Variants in GALNT16 observed in about 807,000 individuals in gnomAD.
The protein encoded by GALNT16 is UDP-GalNAc:polypeptide N-acetylgalactosaminyltransferase-like protein 1.
A neutral mutation model predicts 76.1 loss-of-function variants in GALNT16; 40 were observed. The ratio of observed to expected loss-of-function variants is 0.53; its 90% CI spans 0.41 to 0.68. The LOEUF (loss-of-function observed/expected upper bound fraction) is 0.68. GALNT16 is among the 30% of genes least tolerant of loss of function. GALNT16 has a pLI of 0.00. For missense variants in GALNT16, 621 were observed against 731.9 expected, an observed-to-expected ratio of 0.85 and a Z score of 1.75; for synonymous variants, 276 against 285.2, an observed-to-expected ratio of 0.97 and a Z score of 0.32.
intron 10 of GALNT16, 61 bp from the exon 11 acceptor site, chr14:69,339,466 C>A (rs74059973): frequency 3.1e-6 from 3 of 971,624 alleles, no homozygotes; most frequent in Non-Finnish European, 3.4e-6. Context: ...TAATCTTGAT[C>A]CTGACCGCTA....
intron 1 of GALNT16, among the ~76,000 whole-genome samples, chr14:69,317,641 G>A (rs2045121149): frequency 6.6e-6 from 1 of 152,222 alleles, no homozygotes; most frequent in African/African-American, 2.4e-5. Context: ...CATTGAATCA[G>A]GCTATGGAGC....
chr14:69,322,698 C>T (rs1370563007), intron 2 of GALNT16, among the ~76,000 whole-genome samples: 1 of 152,054 alleles, frequency 6.6e-6, no homozygotes, highest in Non-Finnish European at 1.5e-5. Flanking sequence ...TCAAGACCAG[C>T]CTGCCTATCA....
In GALNT16 at chr14:69,320,712, T is replaced by C; in HGVS notation, c.179T>C (p.Val60Ala). 1 of 1,613,372 alleles carries C rather than the reference T, an allele frequency of 6.2e-7. No homozygotes were observed. Among genetic ancestry groups the C allele is most frequent in the Non-Finnish European group, 8.5e-7 (1 of 1,179,594 alleles). The change falls in exon 2 of 15, where the codon GTG becomes GCG. Residue 60 changes from valine (V) to alanine (A), a missense_variant and splice_region_variant. Coordinates refer to ENST00000448469, the MANE Select transcript of GALNT16 (RefSeq NM_001168368.2). ...CTCTGATGCTGACCTTCATCTCAGG[T>C]GACAGGAACTCCCTCGAAAGGCTTT... The part of the protein sequence containing the change: ...LREDRTIPLI[V>A]TGTPSKGFDE...
At chr14:69,289,775 G>T (rs1419469297) in intron 1 of GALNT16, among the ~76,000 whole-genome samples, 1 of 152,220 alleles carries the variant, frequency 6.6e-6, no homozygotes, top group Non-Finnish European at 1.5e-5. Context: ...GTCTCACTCT[G>T]TCGCCCAGGC....
At chr14:69,276,941 G>C (rs1004283874) in intron 1 of GALNT16, among the ~76,000 whole-genome samples, 2 of 152,134 alleles carry the variant, frequency 1.3e-5, no homozygotes, top group Non-Finnish European at 2.9e-5. Flanking sequence ...TGTCACGCAC[G>C]TGGCACTGTG....
intron 1 of GALNT16, among the ~76,000 whole-genome samples, chr14:69,307,827 C>T (rs2044959280): frequency 6.6e-6 from 1 of 152,186 alleles, no homozygotes; most frequent in African/African-American, 2.4e-5. Flanking sequence ...TACCAGCCTC[C>T]TGGGAGTGTT....
At position 69,338,666 on chromosome 14, in the gene GALNT16, T is replaced by C. The variant is rs2045444687; in HGVS notation, c.983T>C (p.Val328Ala). The change falls in exon 10 of 15, where the codon GTG (valine) becomes GCG (alanine). Residue 328 changes from valine to alanine, a missense_variant. Coordinates refer to ENST00000448469, the MANE Select transcript of GALNT16 (RefSeq NM_001168368.2). ...TTTCCTGCAGAGCTCTCCTTCAGGGTGTGGATGTGTGGTGGCAGTCTGGAG... is the reference window on the plus strand; with the variant it reads ...TTTCCTGCAGAGCTCTCCTTCAGGGCGTGGATGTGTGGTGGCAGTCTGGAG... ...GGENFELSFRVWMCGGSLEIV... is the reference protein window; with the variant it reads ...GGENFELSFRAWMCGGSLEIV... The C allele has an allele frequency of 6.2e-7, 1 of 1,613,232 alleles. No homozygotes were observed.
intron 1 of GALNT16, among the ~76,000 whole-genome samples, chr14:69,282,650 C>G (rs1474672532): frequency 1.4e-5 from 2 of 147,232 alleles, no homozygotes; most frequent in African/African-American, 5.0e-5. Context: ...AGAATTTGTC[C>G]TATTTATTTA....
intron 1 of GALNT16, among the ~76,000 whole-genome samples, chr14:69,285,040 C>CGTTTTTTT (rs35894482): frequency 7.8e-6 from 1 of 127,504 alleles, no homozygotes; most frequent in Non-Finnish European, 1.6e-5. Flanking sequence ...CTCGGGCACT[C>CGTTTTTTT]TTTTTTTTTT....
At chr14:69,285,951 C>G (rs72722114) in intron 1 of GALNT16, among the ~76,000 whole-genome samples, 1 of 152,040 alleles carries the variant, frequency 6.6e-6, no homozygotes, top group African/African-American at 2.4e-5. Flanking sequence ...CTGACTCCCC[C>G]ACCCGCCCCA....
downstream of GALNT16, chr14:69,356,554 C>CTTTTTTTTTTTTATTTTTTTTTTTT (rs2045694569): frequency 8.5e-6 from 1 of 117,330 alleles, no homozygotes; most frequent in Non-Finnish European, 1.7e-5. Flanking sequence ...GCTGTGAGCT[C>CTTTTTTTTTTTTATTTTTTTTTTTT]TTTTTTTTTT....
At chr14:69,294,393 T>A (rs1023431084) in intron 1 of GALNT16, among the ~76,000 whole-genome samples, 24 of 152,152 alleles carry the variant, frequency 1.6e-4, no homozygotes, top group African/African-American at 5.6e-4. Context: ...AAGTGCTGGG[T>A]TACAGGCATG....
chr14:69,268,898 T>G (rs779965391), intron 1 of GALNT16, among the ~76,000 whole-genome samples: 5 of 152,084 alleles, frequency 3.3e-5, no homozygotes, highest in Non-Finnish European at 5.9e-5. Context: ...CCGGAGAGTG[T>G]GTGCTTAGAG....
At chr14:69,289,775 G>C (rs1419469297) in intron 1 of GALNT16, among the ~76,000 whole-genome samples, 1 of 152,220 alleles carries the variant, frequency 6.6e-6, no homozygotes, top group African/African-American at 2.4e-5. Flanking sequence ...GTCTCACTCT[G>C]TCGCCCAGGC....
chr14:69,345,814 T>G lies in GALNT16; in HGVS notation c.1272-1226T>G, dbSNP rs541832412. The stretch of plus-strand genomic sequence containing the variant: ...TATAATATTTTAAAACTTGCCTGTT[T>G]TACTTAATAGTGTGCTGTGAACATT... On this transcript the variant is annotated intron_variant, in intron 12 of 14. Transcript: ENST00000448469. Among the ~76,000 whole-genome samples the G allele has an allele frequency of 1.1e-3, 174 of 152,196 alleles. 1 individual carries two copies. Among genetic ancestry groups the G allele is most frequent in the Admixed American group, 2.6e-3 (39 of 15,280 alleles).
chr14:69,296,720 CAGATAGATGATAGAT>C (rs1566869109), intron 1 of GALNT16, among the ~76,000 whole-genome samples: 2 of 98,220 alleles, frequency 2.0e-5, no homozygotes, highest in African/African-American at 8.6e-5. Flanking sequence ...GATAGATGGA[CAGATAGATGATAGAT>C]AGATAGATAG....
rs531903600 is a variant in GALNT16, at chr14:69,347,098, T to C, written c.1330T>C (p.Ser444Pro). Residue 444 changes from serine to proline, a missense_variant, in exon 13 of 15, where the codon TCT (serine) becomes CCT (proline). Coordinates refer to ENST00000448469, the MANE Select transcript of GALNT16 (RefSeq NM_001168368.2). ...TAAGCAGGGGGTGAACTGCTTAGAA[T>C]CTCAGGGCCAGAACACAGCTGGTGA... is the stretch of plus-strand genomic sequence containing the variant. ...IIKQGVNCLE[S>P]QGQNTAGDFL... is the part of the protein sequence containing the mutation. 4 of 1,613,934 alleles carry C rather than the reference T, an allele frequency of 2.5e-6. No homozygotes were observed. Among genetic ancestry groups the C allele is most frequent in the East Asian group, 2.2e-5 (1 of 44,868 alleles).
chr14:69,314,845 C>T (rs1354093744), intron 1 of GALNT16, among the ~76,000 whole-genome samples: 5 of 152,042 alleles, frequency 3.3e-5, no homozygotes, highest in Non-Finnish European at 5.9e-5. Flanking sequence ...AAGTCAGGGG[C>T]CATCCATAAA....
At chr14:69,282,731 T>C (rs1421465606) in intron 1 of GALNT16, among the ~76,000 whole-genome samples, 3 of 152,010 alleles carry the variant, frequency 2.0e-5, no homozygotes, top group African/African-American at 7.3e-5. Context: ...AGTGGTGCTA[T>C]CTTGGCTCAC....
Sources: gnomAD v4.1 joint callset for allele counts (sites outside exome capture counted in the v4.1 genomes callset) on GRCh38, gnomAD v4.1.1 for gene constraint, MANE v1.5 for transcripts, NCBI Gene and HGNC (gene_info 2026-07-23, HGNC 2026-07-21) for gene names.